Variants in ABTB3 observed in about 807,000 individuals in gnomAD.
ABTB3 encodes ankyrin repeat- and BTB/POZ domain-containing protein 3.
the ABTB3 span, among the ~76,000 whole-genome samples, chr12:107,480,054 T>A: frequency 6.6e-6 from 1 of 152,162 alleles, no homozygotes; most frequent in African/African-American, 2.4e-5. Flanking sequence ...GCTATAGGGT[T>A]TGGGTTACAG....
chr12:107,588,228 A>T, the ABTB3 span, among the ~76,000 whole-genome samples: 1 of 152,194 alleles, frequency 6.6e-6, no homozygotes, highest in Non-Finnish European at 1.5e-5. Flanking sequence ...CCTATTTCCA[A>T]ATAAGGTCAT....
At chr12:107,608,585 A>G in the ABTB3 span, among the ~76,000 whole-genome samples, 2 of 152,180 alleles carry the variant, frequency 1.3e-5, no homozygotes, top group African/African-American at 4.8e-5. Flanking sequence ...GAGTTAAGAC[A>G]CAAGCCAGGT....
chr12:107,627,910 G>T, the ABTB3 span, among the ~76,000 whole-genome samples: 4 of 152,184 alleles, frequency 2.6e-5, no homozygotes, highest in African/African-American at 9.7e-5. Context: ...TACCATAAGT[G>T]GATACCCTAC....
the ABTB3 span, among the ~76,000 whole-genome samples, chr12:107,537,380 GAA>G: frequency 6.6e-6 from 1 of 152,098 alleles, no homozygotes; most frequent in Non-Finnish European, 1.5e-5. Flanking sequence ...AGAGGATTTT[GAA>G]TGTTCCAAGC....
At chr12:107,368,767 A>T in the ABTB3 span, among the ~76,000 whole-genome samples, 5 of 152,164 alleles carry the variant, frequency 3.3e-5, no homozygotes, top group Admixed American at 2.6e-4. Context: ...ATTACTCAAC[A>T]TTGTAATTTT....
At chr12:107,346,494 C>G in the ABTB3 span, among the ~76,000 whole-genome samples, 1 of 152,034 alleles carries the variant, frequency 6.6e-6, no homozygotes, top group African/African-American at 2.4e-5. Context: ...GAGGCTTGCT[C>G]TGTGACCGAG....
At chr12:107,459,843 CG>C in the ABTB3 span, among the ~76,000 whole-genome samples, 10 of 152,328 alleles carry the variant, frequency 6.6e-5, no homozygotes, top group South Asian at 8.3e-4. Context: ...GGCCGTGGCC[CG>C]GCCCTCCAGA....
At chr12:107,550,295 A>G in the ABTB3 span, among the ~76,000 whole-genome samples, 6 of 152,112 alleles carry the variant, frequency 3.9e-5, no homozygotes, top group African/African-American at 1.4e-4. Flanking sequence ...ACACTCCAAC[A>G]GGACCTGTCA....
At chr12:107,428,927 C>T in the ABTB3 span, among the ~76,000 whole-genome samples, 31 of 152,200 alleles carry the variant, frequency 2.0e-4, no homozygotes, top group African/African-American at 6.3e-4. Flanking sequence ...AAATGGAGGC[C>T]GAGAGAGGCG....
chr12:107,654,259 C>T, the ABTB3 span, among the ~76,000 whole-genome samples: 6 of 152,056 alleles, frequency 3.9e-5, no homozygotes, highest in African/African-American at 1.5e-4. Flanking sequence ...CATGGGTGTA[C>T]AAATATCTGT....
the ABTB3 span, among the ~76,000 whole-genome samples, chr12:107,495,454 A>G: frequency 9.2e-5 from 14 of 152,174 alleles, no homozygotes; most frequent in Non-Finnish European, 1.9e-4. Flanking sequence ...GGGGGCTCCT[A>G]GCTGCCACTG....
chr12:107,483,985 C>T, the ABTB3 span, among the ~76,000 whole-genome samples: 6,477 of 152,272 alleles, frequency 0.043, 259 homozygotes, highest in East Asian at 0.2. Flanking sequence ...AGCCATCATG[C>T]TCAGCCAGGC....
At chr12:107,376,599 G>A in the ABTB3 span, among the ~76,000 whole-genome samples, 60 of 152,198 alleles carry the variant, frequency 3.9e-4, 1 homozygote, top group East Asian at 0.011. Context: ...GGCATTGCGC[G>A]ATGCTGTGAT....
chr12:107,369,823 G>A, the ABTB3 span, among the ~76,000 whole-genome samples: 2 of 142,524 alleles, frequency 1.4e-5, no homozygotes, highest in African/African-American at 5.2e-5. Flanking sequence ...TTTGCCTGGT[G>A]TATTCTGAGT....
chr12:107,450,978 G>A, the ABTB3 span, among the ~76,000 whole-genome samples: 24 of 151,736 alleles, frequency 1.6e-4, no homozygotes, highest in African/African-American at 5.3e-4. Flanking sequence ...CCTTCAATAT[G>A]TGTTTTTTTT....
chr12:107,613,140 GC>G, the ABTB3 span, among the ~76,000 whole-genome samples: 1 of 152,184 alleles, frequency 6.6e-6, no homozygotes, highest in African/African-American at 2.4e-5. Context: ...AGGAGCACTG[GC>G]TTTTCCTTGG....
the ABTB3 span, among the ~76,000 whole-genome samples, chr12:107,513,439 T>C: frequency 1.3e-5 from 2 of 152,146 alleles, no homozygotes; most frequent in Non-Finnish European, 2.9e-5. Context: ...TCACGAGATC[T>C]GATGGTTTTG....
At chr12:107,435,683 C>T in the ABTB3 span, among the ~76,000 whole-genome samples, 1 of 152,202 alleles carries the variant, frequency 6.6e-6, no homozygotes, top group Non-Finnish European at 1.5e-5. Flanking sequence ...TAGCTAGTCT[C>T]CTATGTAGAA....
At chr12:107,414,559 C>T in the ABTB3 span, among the ~76,000 whole-genome samples, 9 of 152,138 alleles carry the variant, frequency 5.9e-5, no homozygotes, top group East Asian at 7.7e-4. Flanking sequence ...CCTTCTTAAA[C>T]GTTTAGAGGC....
Sources: allele counts gnomAD v4.1 joint callset (sites outside exome capture counted in the v4.1 genomes callset), GRCh38; gene constraint gnomAD v4.1.1; transcripts MANE v1.5; gene names NCBI Gene and HGNC (gene_info 2026-07-23, HGNC 2026-07-21).